Variants in PLCZ1 observed in about 807,000 individuals in gnomAD.
PLCZ1 encodes phospholipase C zeta 1.
A neutral mutation model predicts 76.8 loss-of-function variants in PLCZ1; 64 were observed. The observed-to-expected ratio is 0.83, with a 90% CI of 0.68 to 1.03. The LOEUF (loss-of-function observed/expected upper bound fraction) is 1.03. Ranked by LOEUF, PLCZ1 falls within the 50% of genes least tolerant of loss-of-function variation. The pLI, the probability that PLCZ1 is intolerant of heterozygous loss-of-function variation, is 0.00. For synonymous variants in PLCZ1, 248 were observed against 230.8 expected (o/e 1.07, Z -0.68); for missense variants, 751 against 713.7 (o/e 1.05, Z -0.60).
the PLCZ1 span, among the ~76,000 whole-genome samples, chr12:18,646,648 T>C: frequency 6.6e-6 from 1 of 152,142 alleles, no homozygotes; most frequent in Non-Finnish European, 1.5e-5. Flanking sequence ...TTGGCATATA[T>C]TGAGAAAGTT....
chr12:18,662,367 T>G, the PLCZ1 span, among the ~76,000 whole-genome samples: 1 of 152,000 alleles, frequency 6.6e-6, no homozygotes, highest in South Asian at 2.1e-4. Context: ...ATTAAGAAAT[T>G]AATAAATGAG....
rs143224003 is a variant in PLCZ1 at position 18,723,327 on chromosome 12, G to C, written c.351C>G (p.Tyr117Ter). ...CAAACATACCTTCTTCGATAGGCTC[G>C]TATTTCTGAATGATCTCAAAAGCAA... ...KAIAFEIIQK[Y>*]EPIEEVRKAH... Residue 117 changes from tyrosine (Y) to a stop codon, truncating the protein, a stop_gained, in exon 4 of 15, where the codon TAC becomes TAG. Coordinates refer to ENST00000266505, the MANE Select transcript of PLCZ1 (RefSeq NM_033123.4). LOFTEE classifies it high-confidence loss of function. 3 of 1,611,044 alleles carry C rather than the reference G, an allele frequency of 1.9e-6. No individual in the cohort carries two copies. Among genetic ancestry groups the C allele is most frequent in the Admixed American group, 1.7e-5 (1 of 59,734 alleles).
chr12:18,663,645 GA>G, the PLCZ1 span, among the ~76,000 whole-genome samples: 16 of 149,194 alleles, frequency 1.1e-4, no homozygotes, highest in African/African-American at 2.5e-4. Context: ...AAAACTCTTA[GA>G]AAAAAAAACA....
In PLCZ1 at chr12:18,684,270, G is replaced by A; in HGVS notation, c.1601C>T (p.Pro534Leu). Residue 534 changes from proline to leucine, a missense_variant, in exon 14 of 15, where the codon CCA becomes CTA. Coordinates refer to ENST00000266505, the MANE Select transcript of PLCZ1 (RefSeq NM_033123.4). ...AAATGTGAATGTTTCATTCCATCTT[G>A]GACTAAAAGCTGAAATATAAAAAAA... ...TRVIKKNAFS[P>L]RWNETFTFII... 6.2e-7 allele frequency: 1 copy of A among 1,606,006 alleles called. No individual in the cohort carries two copies. The highest frequency in any genetic ancestry group is 1.1e-5 in the South Asian group (1 of 90,786).
intron 12 of PLCZ1, among the ~76,000 whole-genome samples, chr12:18,689,342 G>C (rs11829756): frequency 0.08 from 12,172 of 152,192 alleles, 634 homozygotes; most frequent in African/African-American, 0.14. Flanking sequence ...AGAATTTAGG[G>C]CAAGCTTGTC....
chr12:18,673,592 A>T, the PLCZ1 span, among the ~76,000 whole-genome samples: 1 of 152,192 alleles, frequency 6.6e-6, no homozygotes, highest in Non-Finnish European at 1.5e-5. Flanking sequence ...TATGTAACAA[A>T]TTACTCCAAA....
chr12:18,697,265 C>T (rs564826938), intron 10 of PLCZ1, among the ~76,000 whole-genome samples: 1 of 152,134 alleles, frequency 6.6e-6, no homozygotes, highest in South Asian at 2.1e-4. Context: ...ATTTAGGAAG[C>T]ATTGTCAAAT....
the PLCZ1 span, among the ~76,000 whole-genome samples, chr12:18,649,147 T>C: frequency 6.6e-4 from 101 of 152,230 alleles, no homozygotes; most frequent in African/African-American, 2.4e-3. Flanking sequence ...TATACACCCT[T>C]CTGTCTGCTG....
At chr12:18,656,612 T>C in the PLCZ1 span, among the ~76,000 whole-genome samples, 1 of 151,986 alleles carries the variant, frequency 6.6e-6, no homozygotes, top group African/African-American at 2.4e-5. Flanking sequence ...TACATGCACC[T>C]GGTGTCCCAG....
intron 5 of PLCZ1, among the ~76,000 whole-genome samples, chr12:18,718,270 T>A (rs1958203390): frequency 6.6e-6 from 1 of 152,126 alleles, no homozygotes; most frequent in Non-Finnish European, 1.5e-5. Context: ...GCCTCATGAG[T>A]TCACCACCAG....
At chr12:18,676,723 T>C in the PLCZ1 span, among the ~76,000 whole-genome samples, 11,400 of 152,204 alleles carry the variant, frequency 0.075, 563 homozygotes, top group Non-Finnish European at 0.11. Flanking sequence ...CACTTAACTA[T>C]TCCTGTTGTC....
chr12:18,650,401 A>AT, the PLCZ1 span, among the ~76,000 whole-genome samples: 18 of 136,572 alleles, frequency 1.3e-4, no homozygotes, highest in East Asian at 4.4e-4. Flanking sequence ...ATACACACAC[A>AT]TTTTTTTTTT....
chr12:18,700,016 TAAAGA>T (rs1955670544), intron 9 of PLCZ1, 66 bp from the exon 10 acceptor site: 31 of 1,322,170 alleles, frequency 2.3e-5, no homozygotes, highest in Non-Finnish European at 3.3e-5. Context: ...TTTTTTCTAG[TAAAGA>T]AAATACACTT....
intron 3 of PLCZ1, among the ~76,000 whole-genome samples, chr12:18,733,801 C>T (rs528082972): frequency 1.3e-5 from 2 of 152,250 alleles, no homozygotes; most frequent in African/African-American, 4.8e-5. Flanking sequence ...TCTGGGCTCT[C>T]TATTCTGTTC....
At chr12:18,713,306 C>A (rs964095159) in intron 5 of PLCZ1, among the ~76,000 whole-genome samples, 1 of 152,114 alleles carries the variant, frequency 6.6e-6, no homozygotes. Context: ...TCTGAAACAT[C>A]CCTACTCCCA....
rs58713354 is a variant in PLCZ1, at chr12:18,694,170, G to A, written c.1461+740C>T. ...CCCTGAAAGGGATGAGGCTGGGGGA[G>A]TTGCCCAGAGGAATCTCTGTTCCCA... On this transcript the variant is annotated intron_variant, in intron 12 of 14. Transcript: ENST00000266505. 9.9e-4 allele frequency: 673 copies of A among 681,918 alleles called. 9 individuals carry two copies. The African/African-American group carries it at 0.011, about 11-fold the overall frequency. The allele number at this position is 681,918 out of a possible 1,614,324, so 42.2% of individuals were successfully genotyped here.
At chr12:18,686,039 C>T (rs1489897119) in intron 13 of PLCZ1, among the ~76,000 whole-genome samples, 3 of 152,016 alleles carry the variant, frequency 2.0e-5, no homozygotes, top group African/African-American at 7.2e-5. Flanking sequence ...CTTTTCCTCC[C>T]AGACTCTCAT....
At chr12:18,665,288 A>G in the PLCZ1 span, among the ~76,000 whole-genome samples, 1 of 152,126 alleles carries the variant, frequency 6.6e-6, no homozygotes, top group African/African-American at 2.4e-5. Context: ...CAAGATGGAA[A>G]GAGTTCTGGA....
At chr12:18,693,947 T>G in intron 12 of PLCZ1, 1 of 1,519,838 alleles carries the variant, frequency 6.6e-7, no homozygotes, top group Non-Finnish European at 9.1e-7. Flanking sequence ...AGATGACCTC[T>G]CTGGTGCTGA....
Sources: gnomAD v4.1 joint callset for allele counts (sites outside exome capture counted in the v4.1 genomes callset) on GRCh38, gnomAD v4.1.1 for gene constraint, MANE v1.5 for transcripts, NCBI Gene and HGNC (gene_info 2026-07-23, HGNC 2026-07-21) for gene names.